The following SIPA1L1 variants were observed in gnomAD, a reference collection of about 807,000 sequenced individuals.
SIPA1L1 encodes the protein signal induced proliferation associated 1 like 1.
In SIPA1L1, 26 loss-of-function variants were observed where a neutral mutation model predicts 162.7. The observed-to-expected ratio is 0.16, with a 90% CI of 0.12 to 0.22. The LOEUF is 0.22. Among genes scored for constraint, SIPA1L1 ranks in the 10% least tolerant of loss-of-function variants. SIPA1L1 has a pLI of 1.00. For missense variants in SIPA1L1, 1,874 were observed against 2,241.0 expected (o/e 0.84, Z 3.31); for synonymous variants, 829 against 837.4 (o/e 0.99, Z 0.17).
intron 2 of SIPA1L1, 74 bp from the exon 3 acceptor site, chr14:71,512,652 GTGGGGGGAAGCCGGGGT>G (rs2051274534): frequency 7.6e-6 from 1 of 131,074 alleles, no homozygotes; most frequent in Non-Finnish European, 1.6e-5. Context: ...TCTTTTGTGT[GTGGGGGGAAGCCGGGGT>G]TGGGGGGGTT....
At chr14:71,396,142 C>T (rs1183832770) in intron 2 of SIPA1L1, among the ~76,000 whole-genome samples, 2 of 152,160 alleles carry the variant, frequency 1.3e-5, no homozygotes, top group Non-Finnish European at 2.9e-5. Context: ...AATCCTTCCG[C>T]CATCTAGCCA....
intron 3 of SIPA1L1, among the ~76,000 whole-genome samples, chr14:71,525,454 A>G (rs1320818384): frequency 6.6e-6 from 1 of 152,206 alleles, no homozygotes; most frequent in Non-Finnish European, 1.5e-5. Context: ...AAGTGCTGGG[A>G]TTACAGGCGT....
chr14:71,464,113 A>G (rs1445863854), intron 2 of SIPA1L1, among the ~76,000 whole-genome samples: 2 of 152,174 alleles, frequency 1.3e-5, no homozygotes, highest in South Asian at 4.1e-4. Flanking sequence ...TTCACAAGGC[A>G]TTGGTCAAGG....
In SIPA1L1 at chr14:71,486,687, G is replaced by T. The variant is rs539239133; in HGVS notation, c.-464-26056G>T. Among the ~76,000 whole-genome samples, 8 of 152,296 alleles carry T rather than the reference G, an allele frequency of 5.3e-5. No homozygotes were observed. In the East Asian group the frequency reaches 1.3e-3, roughly 26 times the overall value. On this transcript the variant is annotated intron_variant, in intron 2 of 23. Transcript: ENST00000381232. ...CCATCTTGCCAAAATTTAGAGTGAA[G>T]GGTGTTATTTAAGAGTATTTTAAAG...
chr14:71,688,877 G>C (rs1029765433), intron 13 of SIPA1L1, among the ~76,000 whole-genome samples: 2 of 152,284 alleles, frequency 1.3e-5, no homozygotes, highest in Admixed American at 1.3e-4. Flanking sequence ...TTTTTCTCCT[G>C]TAGGTTAGGG....
At chr14:71,545,153 C>T (rs1051329799) in intron 4 of SIPA1L1, among the ~76,000 whole-genome samples, 1 of 152,154 alleles carries the variant, frequency 6.6e-6, no homozygotes, top group African/African-American at 2.4e-5. Context: ...AGACACTGCA[C>T]CCAGCCTCAT....
intron 2 of SIPA1L1, chr14:71,321,606 C>G (rs1288035280): frequency 6.6e-6 from 1 of 152,246 alleles, no homozygotes; most frequent in Non-Finnish European, 1.5e-5. Context: ...ACGAACAGCT[C>G]GGTGCCCGAG....
chr14:71,454,975 G>T (rs2046086005), intron 2 of SIPA1L1, among the ~76,000 whole-genome samples: 1 of 152,136 alleles, frequency 6.6e-6, no homozygotes, highest in Non-Finnish European at 1.5e-5. Flanking sequence ...TTCCTGCAGG[G>T]ATTACCCTTA....
chr14:71,538,268 A>G (rs765666461), intron 4 of SIPA1L1, among the ~76,000 whole-genome samples: 3 of 151,940 alleles, frequency 2.0e-5, no homozygotes, highest in Non-Finnish European at 4.4e-5. Context: ...ATTTCTAACT[A>G]TTCTTACTTT....
At chr14:71,716,026 T>C (rs992929403) in intron 17 of SIPA1L1, among the ~76,000 whole-genome samples, 2 of 152,254 alleles carry the variant, frequency 1.3e-5, no homozygotes, top group Non-Finnish European at 2.9e-5. Flanking sequence ...TTCCCTATGC[T>C]GTATGTATTA....
chr14:71,445,401 T>G (rs918842447), intron 2 of SIPA1L1, among the ~76,000 whole-genome samples: 2 of 152,214 alleles, frequency 1.3e-5, no homozygotes, highest in Non-Finnish European at 2.9e-5. Context: ...GATCACTGTT[T>G]CTTTCTCGGG....
chr14:71,544,216 T>C (rs113652624), intron 4 of SIPA1L1, among the ~76,000 whole-genome samples: 11 of 151,416 alleles, frequency 7.3e-5, no homozygotes, highest in African/African-American at 1.9e-4. Context: ...CACATGCATG[T>C]GTATATACAT....
Position 71,505,314 on chromosome 14 carries a change from T to G in SIPA1L1, c.-464-7429T>G, listed in dbSNP as rs1459216505. 2.0e-5 allele frequency among the ~76,000 whole-genome samples: 3 copies of G among 152,258 alleles called. No individual in the cohort carries two copies. In the East Asian group the frequency reaches 5.8e-4, roughly 29 times the overall value. ...GCTGAAGTGCCTCTCTCTTAGGTCC[T>G]TAGTAGCTTTCTAAGTTTCTAAAGC... On this transcript the variant is annotated intron_variant, in intron 2 of 23. Coordinates refer to ENST00000381232, the MANE Select transcript of SIPA1L1 (RefSeq NM_001386936.1).
At chr14:71,520,034 C>T (rs750648387) in intron 3 of SIPA1L1, among the ~76,000 whole-genome samples, 8 of 151,710 alleles carry the variant, frequency 5.3e-5, no homozygotes, top group Non-Finnish European at 7.4e-5. Flanking sequence ...CCCAGGAGAT[C>T]GAGGCTGCAG....
intron 17 of SIPA1L1, among the ~76,000 whole-genome samples, chr14:71,715,546 A>G (rs2083205782): frequency 6.6e-6 from 1 of 152,268 alleles, no homozygotes; most frequent in Non-Finnish European, 1.5e-5. Context: ...ACACATTAGC[A>G]TAGCCTAGTA....
intron 2 of SIPA1L1, among the ~76,000 whole-genome samples, chr14:71,385,975 C>T (rs769850539): frequency 6.6e-6 from 1 of 152,110 alleles, no homozygotes; most frequent in South Asian, 2.1e-4. Flanking sequence ...CGTGTGCCAT[C>T]GCACCTGGCC....
At chr14:71,328,583 G>A (rs1207045577) in intron 2 of SIPA1L1, among the ~76,000 whole-genome samples, 1 of 152,164 alleles carries the variant, frequency 6.6e-6, no homozygotes, top group Non-Finnish European at 1.5e-5. Flanking sequence ...GAGGATTGTA[G>A]AAACTTCATT....
intron 19 of SIPA1L1, among the ~76,000 whole-genome samples, chr14:71,729,379 T>C (rs1486773119): frequency 6.6e-6 from 1 of 152,226 alleles, no homozygotes; most frequent in Non-Finnish European, 1.5e-5. Flanking sequence ...CTTCAAAAAA[T>C]GAATTTTCTC....
At chr14:71,524,059 T>C (rs2052618069) in intron 3 of SIPA1L1, among the ~76,000 whole-genome samples, 1 of 152,226 alleles carries the variant, frequency 6.6e-6, no homozygotes, top group Admixed American at 6.5e-5. Flanking sequence ...GTTATTACCC[T>C]TAGGCTCTCT....
Sources: allele counts gnomAD v4.1 joint callset (sites outside exome capture counted in the v4.1 genomes callset), GRCh38; gene constraint gnomAD v4.1.1; transcripts MANE v1.5; gene names NCBI Gene and HGNC (gene_info 2026-07-23, HGNC 2026-07-21).